The following GNA13 variants were observed in gnomAD, a reference collection of about 807,000 sequenced individuals.
The protein encoded by GNA13 is G protein subunit alpha 13.
A neutral mutation model predicts 33.5 loss-of-function variants in GNA13; 4 were observed. That is an observed-to-expected ratio of 0.12 (90% CI 0.06 to 0.27). The LOEUF (loss-of-function observed/expected upper bound fraction) is 0.27, where lower values mean the gene tolerates loss of function less well. Among genes scored for constraint, GNA13 ranks in the 10% least tolerant of loss-of-function variants. The probability of loss-of-function intolerance (pLI) is 1.00; values close to 1 mark genes in which losing one functional copy is unlikely to be tolerated. For missense variants in GNA13, 319 were observed against 487.2 expected, an observed-to-expected ratio of 0.65 and a Z score of 3.25; for synonymous variants, 176 against 183.8, an observed-to-expected ratio of 0.96 and a Z score of 0.34.
intron 2 of GNA13, among the ~76,000 whole-genome samples, chr17:65,046,768 C>A (rs1301878617): frequency 6.6e-6 from 1 of 152,202 alleles, no homozygotes; most frequent in Admixed American, 6.5e-5. Context: ...CTTTTCATAA[C>A]AAAACTATTT....
At position 65,056,596 on chromosome 17, in the gene GNA13, T is replaced by TGCCGCC. The variant is rs3830470; in HGVS notation, c.-9_-4dup. The stretch of plus-strand genomic sequence containing the variant: ...CGCGACGGCAGGAAGTCCGCCATCT[T>TGCCGCC]GCCGCCGCCGCCGCCGCCTCGGCGG... On this transcript the variant is annotated 5_prime_UTR_variant, in exon 1 of 4. Transcript: ENST00000439174. 461 of 1,592,616 alleles carry TGCCGCC rather than the reference T, an allele frequency of 2.9e-4. 2 individuals carry two copies. In the East Asian group the frequency reaches 8.4e-3, roughly 29 times the overall value.
At chr17:65,030,731 G>A (rs965170431) in intron 2 of GNA13, among the ~76,000 whole-genome samples, 12 of 152,290 alleles carry the variant, frequency 7.9e-5, no homozygotes, top group African/African-American at 2.4e-4. Flanking sequence ...TTCCAATTTT[G>A]GTTGGGCATG....
chr17:65,032,479 A>G (rs968326338), intron 2 of GNA13, among the ~76,000 whole-genome samples: 1 of 152,226 alleles, frequency 6.6e-6, no homozygotes, highest in Admixed American at 6.5e-5. Flanking sequence ...TTTTAAAGTT[A>G]AAAAATCTTG....
chr17:65,022,819 C>A (rs911872736), intron 2 of GNA13, among the ~76,000 whole-genome samples: 1 of 152,218 alleles, frequency 6.6e-6, no homozygotes, highest in East Asian at 1.9e-4. Context: ...ATTGTAACAG[C>A]TGAAGAAATA....
intron 2 of GNA13, among the ~76,000 whole-genome samples, chr17:65,041,324 G>A (rs1334069532): frequency 3.3e-5 from 5 of 151,970 alleles, no homozygotes; most frequent in African/African-American, 9.7e-5. Flanking sequence ...AGAGTGAGGT[G>A]GTATAGAAGA....
At chr17:65,029,702 A>T (rs1315872451) in intron 2 of GNA13, among the ~76,000 whole-genome samples, 1 of 151,946 alleles carries the variant, frequency 6.6e-6, no homozygotes, top group Non-Finnish European at 1.5e-5. Flanking sequence ...TCTTTGCTAC[A>T]CCTCCCTGTA....
At chr17:65,019,214 G>A (rs1297370502) in intron 2 of GNA13, among the ~76,000 whole-genome samples, 1 of 152,186 alleles carries the variant, frequency 6.6e-6, no homozygotes, top group Admixed American at 6.5e-5. Flanking sequence ...TTCAAGGAGT[G>A]CCTGGGACCA....
At position 65,025,826 on chromosome 17, in the gene GNA13, A is replaced by G. The variant is rs960507009; in HGVS notation, c.511-7523T>C. Reference sequence around the variant, plus strand: ...AGAGATCCCATCTCTACAAAAAAAAAAAAAAAAAAATTAGCCGGGTGTGGT... The same window carrying G: ...AGAGATCCCATCTCTACAAAAAAAAGAAAAAAAAAATTAGCCGGGTGTGGT... On this transcript the variant is annotated intron_variant, in intron 2 of 3. Transcript: ENST00000439174. Among the ~76,000 whole-genome samples the G allele has an allele frequency of 7.2e-4, 109 of 151,706 alleles. 3 individuals are homozygous for G. Among genetic ancestry groups the G allele is most frequent in the African/African-American group, 2.5e-3 (103 of 41,350 alleles).
chr17:65,029,162 C>T (rs1341002115), intron 2 of GNA13, among the ~76,000 whole-genome samples: 1 of 152,140 alleles, frequency 6.6e-6, no homozygotes, highest in Non-Finnish European at 1.5e-5. Flanking sequence ...TGATAAAATG[C>T]TGAATTAGCT....
chr17:65,010,015 T>A lies in GNA13; in HGVS notation c.*4242A>T, dbSNP rs577006074. On this transcript the variant is annotated 3_prime_UTR_variant, in exon 4 of 4. Coordinates refer to ENST00000439174, the MANE Select transcript of GNA13 (RefSeq NM_006572.6). ...ACTCTGATCCACCTGTAAACTTTCA[T>A]CATCAACAGCAGATTTGTATATGTC... Among the ~76,000 whole-genome samples the A allele has an allele frequency of 2.0e-5, 3 of 151,882 alleles. No homozygotes were observed. The South Asian group carries it at 6.2e-4, about 31-fold the overall frequency.
chr17:65,028,312 G>A (rs1906875698), intron 2 of GNA13, among the ~76,000 whole-genome samples: 1 of 151,542 alleles, frequency 6.6e-6, no homozygotes, highest in African/African-American at 2.4e-5. Context: ...GGGAGGTTGA[G>A]GCAGGAGAAC....
At chr17:65,030,460 G>A (rs1012717544) in intron 2 of GNA13, among the ~76,000 whole-genome samples, 2 of 152,232 alleles carry the variant, frequency 1.3e-5, no homozygotes, top group Admixed American at 6.5e-5. Flanking sequence ...TAATGAGAAT[G>A]TTAGGTAATA....
chr17:65,040,704 G>A (rs1315165677), intron 2 of GNA13, among the ~76,000 whole-genome samples: 1 of 152,118 alleles, frequency 6.6e-6, no homozygotes, highest in Non-Finnish European at 1.5e-5. Context: ...TCTTCGCCAG[G>A]ATGGTCTCGC....
chr17:65,023,304 A>T (rs1906653423), intron 2 of GNA13, among the ~76,000 whole-genome samples: 2 of 152,236 alleles, frequency 1.3e-5, no homozygotes, highest in Admixed American at 1.3e-4. Context: ...GTCAGTGATG[A>T]ATTTAACACG....
At chr17:65,015,084 T>A (rs542576360) in intron 3 of GNA13, among the ~76,000 whole-genome samples, 1 of 151,650 alleles carries the variant, frequency 6.6e-6, no homozygotes, top group African/African-American at 2.4e-5. Flanking sequence ...TCCTGGGCAA[T>A]ATAGCAAGAC....
intron 2 of GNA13, among the ~76,000 whole-genome samples, chr17:65,038,673 C>T (rs546911834): frequency 6.6e-6 from 1 of 152,296 alleles, no homozygotes; most frequent in African/African-American, 2.4e-5. Flanking sequence ...GCAATCCGCC[C>T]ACCTTGGCCT....
intron 2 of GNA13, among the ~76,000 whole-genome samples, chr17:65,037,796 A>AAAAAAAAAAGAC (rs1907309803): frequency 6.7e-6 from 1 of 150,164 alleles, no homozygotes; most frequent in Non-Finnish European, 1.5e-5. Flanking sequence ...AAAAAAAAAA[A>AAAAAAAAAAGAC]AAAAGACAAA....
rs1300497319 is a variant in GNA13 at position 65,056,723 on chromosome 17, G to T, written c.-130C>A. 14 of 514,532 alleles carry T rather than the reference G, an allele frequency of 2.7e-5. No homozygotes were observed. The highest frequency in any genetic ancestry group is 4.1e-5 in the Non-Finnish European group (14 of 338,906). 31.9% of individuals were successfully genotyped at this position (514,532 alleles called of 1,614,324 possible). On this transcript the variant is annotated 5_prime_UTR_variant, in exon 1 of 4. Coordinates refer to ENST00000439174, the MANE Select transcript of GNA13 (RefSeq NM_006572.6). ...CGGCGGCCCGAGCGCGCCCAGGGAG[G>T]GAGGGAACCAGCGAACTGACTCGCA...
Position 65,013,281 on chromosome 17 carries a change from G to A in GNA13, c.*976C>T, listed in dbSNP as rs952914246. 1.4e-5 allele frequency: 3 copies of A among 209,204 alleles called. No individual in the cohort carries two copies. The highest frequency in any genetic ancestry group is 2.3e-5 in the African/African-American group (1 of 44,032). The allele number at this position is 209,204 out of a possible 1,614,324, so 13.0% of individuals were successfully genotyped here. On this transcript the variant is annotated 3_prime_UTR_variant, in exon 4 of 4. Coordinates refer to ENST00000439174, the MANE Select transcript of GNA13 (RefSeq NM_006572.6). ...GGCACAGTGTGGAGTTGATGGGACT[G>A]GACAGGACAGCAAAAGATAGATGTT... is the stretch of plus-strand genomic sequence containing the variant.
Sources: gnomAD v4.1 joint callset for allele counts (sites outside exome capture counted in the v4.1 genomes callset) on GRCh38, gnomAD v4.1.1 for gene constraint, MANE v1.5 for transcripts, NCBI Gene and HGNC (gene_info 2026-07-23, HGNC 2026-07-21) for gene names.